Variants in SYN3 observed in about 807,000 individuals in gnomAD.
SYN3 encodes the protein synapsin-3.
Under a neutral mutation model 65.8 loss-of-function variants are expected in SYN3, and 35 were observed. The ratio of observed to expected loss-of-function variants is 0.53; its 90% CI spans 0.41 to 0.70. SYN3 has a LOEUF of 0.70. SYN3 is among the 30% of genes least tolerant of loss of function. The pLI is 0.00. For synonymous variants in SYN3, 270 were observed against 292.9 expected (o/e 0.92, Z 0.80); for missense variants, 680 against 749.0 (o/e 0.91, Z 1.08).
At chr22:32,744,017 G>A (rs1482231314) in intron 6 of SYN3, among the ~76,000 whole-genome samples, 2 of 152,118 alleles carry the variant, frequency 1.3e-5, no homozygotes, top group East Asian at 1.9e-4. Context: ...GCCGGGTGGA[G>A]GGATTATTCA....
At chr22:32,940,208 A>G (rs952464326) in intron 3 of SYN3, among the ~76,000 whole-genome samples, 1 of 152,092 alleles carries the variant, frequency 6.6e-6, no homozygotes, top group Non-Finnish European at 1.5e-5. Flanking sequence ...TCTTGTTTGC[A>G]TTTATCTTAT....
chr22:32,814,349 G>GAAAGAA (rs1315475497), intron 6 of SYN3, among the ~76,000 whole-genome samples: 27 of 148,540 alleles, frequency 1.8e-4, no homozygotes, highest in African/African-American at 5.8e-4. Context: ...GAGAAAGAAA[G>GAAAGAA]AGAGAAAGAA....
intron 9 of SYN3, among the ~76,000 whole-genome samples, chr22:32,536,883 C>T (rs547930749): frequency 6.6e-6 from 1 of 152,156 alleles, no homozygotes; most frequent in Non-Finnish European, 1.5e-5. Context: ...AGTAAATCCC[C>T]CTTTCTGCGC....
chr22:32,910,192 G>A (rs1569319956), intron 4 of SYN3, among the ~76,000 whole-genome samples: 13 of 152,120 alleles, frequency 8.5e-5, no homozygotes, highest in Admixed American at 7.9e-4. Context: ...GCTAGCCCAC[G>A]TGTTTTTAAA....
chr22:32,676,822 C>T (rs547588899), intron 6 of SYN3, among the ~76,000 whole-genome samples: 7 of 151,980 alleles, frequency 4.6e-5, no homozygotes, highest in Admixed American at 3.3e-4. Context: ...GGATTACAGG[C>T]GTGAGCCACT....
chr22:32,794,547 T>G (rs2046388108), intron 6 of SYN3, among the ~76,000 whole-genome samples: 1 of 152,196 alleles, frequency 6.6e-6, no homozygotes, highest in Admixed American at 6.5e-5. Flanking sequence ...CATTGGTTAG[T>G]TTATTCCTTT....
At chr22:33,040,093 G>A (rs988967750) in intron 1 of SYN3, among the ~76,000 whole-genome samples, 7 of 151,008 alleles carry the variant, frequency 4.6e-5, no homozygotes, top group Non-Finnish European at 1.0e-4. Flanking sequence ...GCAGTGGCGC[G>A]ATCTCGGCTC....
intron 6 of SYN3, chr22:32,861,912 T>G (rs994132773): frequency 6.6e-6 from 1 of 152,616 alleles, no homozygotes; most frequent in African/African-American, 2.4e-5. Flanking sequence ...ATGTGTACAT[T>G]GTGTTTAAGA....
At chr22:32,681,266 G>C (rs1384140499) in intron 6 of SYN3, among the ~76,000 whole-genome samples, 1 of 150,246 alleles carries the variant, frequency 6.7e-6, no homozygotes, top group African/African-American at 2.4e-5. Flanking sequence ...ACTTGGGAGT[G>C]GGGGGTGGGA....
chr22:32,547,231 C>T (rs770242740), intron 7 of SYN3, among the ~76,000 whole-genome samples: 1 of 152,082 alleles, frequency 6.6e-6, no homozygotes, highest in Non-Finnish European at 1.5e-5. Flanking sequence ...GCGATCCTCC[C>T]ACCTTGGCCT....
At chr22:32,963,964 C>T (rs1473576449) in intron 3 of SYN3, among the ~76,000 whole-genome samples, 3 of 152,108 alleles carry the variant, frequency 2.0e-5, no homozygotes. Context: ...CTTTCCCTTG[C>T]TTTTCCTGGC....
chr22:32,880,891 T>C (rs1247835859), intron 4 of SYN3, among the ~76,000 whole-genome samples: 1 of 152,208 alleles, frequency 6.6e-6, no homozygotes, highest in Non-Finnish European at 1.5e-5. Flanking sequence ...AGCATGGCAA[T>C]TGCACCCAGG....
rs145990349 is a variant in SYN3, at chr22:32,717,429, G to A, written c.712-120693C>T. ...GCCCCAGCCATGGTGATCTGGGGTAGTCAGGTCACCCTGAGCAGTGAGGGC... is the reference window on the plus strand; with the variant it reads ...GCCCCAGCCATGGTGATCTGGGGTAATCAGGTCACCCTGAGCAGTGAGGGC... On this transcript the variant is annotated intron_variant, in intron 6 of 13. Coordinates refer to ENST00000358763, the MANE Select transcript of SYN3 (RefSeq NM_003490.4). Among the ~76,000 whole-genome samples the A allele has an allele frequency of 2.6e-3, 394 of 152,322 alleles. 1 individual carries two copies. Among genetic ancestry groups the A allele is most frequent in the Non-Finnish European group, 4.5e-3 (309 of 68,038 alleles).
intron 2 of SYN3, among the ~76,000 whole-genome samples, chr22:32,993,324 C>T (rs1252432510): frequency 6.6e-6 from 1 of 152,084 alleles, no homozygotes; most frequent in Admixed American, 6.6e-5. Flanking sequence ...TGCAAGCTTC[C>T]CCATACATTT....
chr22:32,935,179 C>T (rs1383730479), intron 3 of SYN3, among the ~76,000 whole-genome samples: 1 of 152,108 alleles, frequency 6.6e-6, no homozygotes, highest in Non-Finnish European at 1.5e-5. Context: ...TATTCAAAGT[C>T]ACCAGGGCTC....
chr22:32,892,853 T>G (rs976824442), intron 4 of SYN3, among the ~76,000 whole-genome samples: 1 of 152,118 alleles, frequency 6.6e-6, no homozygotes, highest in Non-Finnish European at 1.5e-5. Context: ...TACCTATTTC[T>G]GGGGTAGGCT....
At position 32,869,988 on chromosome 22, in the gene SYN3, C is replaced by T. The variant is rs150909985; in HGVS notation, c.462-863G>A. ...ACATGCTTTTGACTCCATCACAGGG[C>T]CCCAGGAGGATTCACACATTGTTTG... On this transcript the variant is annotated intron_variant, in intron 4 of 13. Coordinates refer to ENST00000358763, the MANE Select transcript of SYN3 (RefSeq NM_003490.4). Among the ~76,000 whole-genome samples the T allele has an allele frequency of 9.7e-3, 1,475 of 152,124 alleles. 17 individuals are homozygous for T. Among genetic ancestry groups the T allele is most frequent in the Middle Eastern group, 0.034 (10 of 294 alleles).
intron 6 of SYN3, among the ~76,000 whole-genome samples, chr22:32,711,163 T>C (rs1006796874): frequency 3.3e-5 from 5 of 152,152 alleles, no homozygotes; most frequent in Admixed American, 3.3e-4. Context: ...CTGGAATGGG[T>C]TGGTCACCCT....
At chr22:32,942,164 A>AC (rs1356634562) in intron 3 of SYN3, among the ~76,000 whole-genome samples, 1 of 152,060 alleles carries the variant, frequency 6.6e-6, no homozygotes, top group East Asian at 1.9e-4. Context: ...TGGGTCCCTG[A>AC]CCCCCGAGTA....
Sources: allele counts gnomAD v4.1 joint callset (sites outside exome capture counted in the v4.1 genomes callset), GRCh38; gene constraint gnomAD v4.1.1; transcripts MANE v1.5; gene names NCBI Gene and HGNC (gene_info 2026-07-23, HGNC 2026-07-21).